The following VPS33A variants were observed in gnomAD, a reference collection of about 807,000 sequenced individuals.
VPS33A encodes the protein VPS33A core subunit of CORVET and HOPS complexes.
VPS33A carries 32 observed loss-of-function variants against 71.8 expected under a neutral mutation model. The ratio of observed to expected loss-of-function variants is 0.45; its 90% CI spans 0.34 to 0.60. The LOEUF is 0.60. Ranked by LOEUF, VPS33A falls within the 20% of genes least tolerant of loss-of-function variation. The pLI, the probability that VPS33A is intolerant of heterozygous loss-of-function variation, is 0.02. For missense variants in VPS33A, 625 were observed against 748.5 expected, an observed-to-expected ratio of 0.84 and a Z score of 1.92; for synonymous variants, 311 against 292.7, an observed-to-expected ratio of 1.06 and a Z score of -0.64.
At chr12:122,244,515 T>C in intron 7 of VPS33A, 54 bp downstream of exon 7, 6 of 1,471,440 alleles carry the variant, frequency 4.1e-6, no homozygotes, top group Non-Finnish European at 5.5e-6. Context: ...CCCTCAGGGG[T>C]GGGCATCTAC....
At chr12:122,240,812 G>A (rs1954703738) in intron 8 of VPS33A, among the ~76,000 whole-genome samples, 1 of 152,106 alleles carries the variant, frequency 6.6e-6, no homozygotes, top group African/African-American at 2.4e-5. Flanking sequence ...TTCAAGGGAA[G>A]AACATGCGCC....
At chr12:122,257,426 CAAAAAAA>C (rs35763135) in intron 4 of VPS33A, among the ~76,000 whole-genome samples, 2 of 64,968 alleles carry the variant, frequency 3.1e-5, no homozygotes, top group African/African-American at 7.5e-5. Context: ...GACTCTGCCT[CAAAAAAA>C]AAAAAAAAAA....
chr12:122,239,648 G>A (rs929306469), intron 9 of VPS33A, among the ~76,000 whole-genome samples: 4 of 150,208 alleles, frequency 2.7e-5, no homozygotes, highest in East Asian at 2.0e-4. Context: ...GCAGAATGGC[G>A]TCAACCCGGG....
chr12:122,263,382 T>G (rs1955024328), intron 3 of VPS33A, among the ~76,000 whole-genome samples, 190 bp downstream of exon 3: 1 of 152,176 alleles, frequency 6.6e-6, no homozygotes, highest in African/African-American at 2.4e-5. Context: ...TATTTTTTGT[T>G]GTACCCATTA....
chr12:122,251,369 T>C (rs1185955555), intron 4 of VPS33A, among the ~76,000 whole-genome samples: 1 of 152,186 alleles, frequency 6.6e-6, no homozygotes, highest in Non-Finnish European at 1.5e-5. Context: ...TCACCCAGCA[T>C]GCCAGCTCTT....
Position 122,251,554 on chromosome 12 carries a change from C to T in VPS33A, c.484-455G>A, listed in dbSNP as rs559339895. Among the ~76,000 whole-genome samples the T allele has an allele frequency of 1.1e-4, 16 of 152,212 alleles. No homozygotes were observed. The South Asian group carries it at 2.3e-3, about 22-fold the overall frequency. ...TTTATTGTTTTCAAAAAGGATGAGG[C>T]AGATTTTCATGACAACTGACAACTG... On this transcript the variant is annotated intron_variant, in intron 4 of 12. Transcript: ENST00000267199.
intron 4 of VPS33A, among the ~76,000 whole-genome samples, chr12:122,258,294 C>A (rs1452047344): frequency 6.6e-6 from 1 of 151,872 alleles, no homozygotes; most frequent in East Asian, 1.9e-4. Flanking sequence ...CTGGGGTAGG[C>A]AATGGCTTCT....
intron 8 of VPS33A, chr12:122,240,896 G>A (rs61954365): frequency 0.079 from 11,961 of 152,234 alleles, 570 homozygotes; most frequent in African/African-American, 0.13. Flanking sequence ...AGCACTTTGG[G>A]AGCCAAGGCA....
intron 4 of VPS33A, among the ~76,000 whole-genome samples, chr12:122,258,986 CA>C (rs749562489): frequency 0.18 from 9,508 of 53,208 alleles, 1,003 homozygotes; most frequent in African/African-American, 0.41. Context: ...CAATCCATCT[CA>C]AAAAAAAAAA....
chr12:122,241,316 G>A (rs1954711365), intron 8 of VPS33A, among the ~76,000 whole-genome samples: 1 of 151,136 alleles, frequency 6.6e-6, no homozygotes, highest in East Asian at 2.0e-4. Flanking sequence ...TCTTTCTTTC[G>A]TTATTTCGAG....
chr12:122,244,595 C>T lies in VPS33A; in HGVS notation c.943G>A (p.Ala315Thr). 1.2e-6 allele frequency: 2 copies of T among 1,608,720 alleles called. No homozygotes were observed. Among genetic ancestry groups the T allele is most frequent in the East Asian group, 2.2e-5 (1 of 44,746 alleles). ...TCGAATGCTGCAGAGATGATCTTTG[C>T]TTTCTTGCTGAGCACAGAGCCAACT... ...NAVGSVLSKK[A>T]KIISAAFEER... The change falls in exon 7 of 13, where the codon GCA becomes ACA. Residue 315 changes from alanine (A) to threonine (T), a missense_variant. Coordinates refer to ENST00000267199, the MANE Select transcript of VPS33A (RefSeq NM_022916.6).
intron 4 of VPS33A, among the ~76,000 whole-genome samples, chr12:122,259,801 C>T (rs548742560): frequency 2.6e-5 from 4 of 151,932 alleles, no homozygotes; most frequent in Non-Finnish European, 5.9e-5. Flanking sequence ...TCTAAAAAAT[C>T]TCCAGAATAA....
intron 4 of VPS33A, among the ~76,000 whole-genome samples, chr12:122,255,661 C>A (rs938606212): frequency 7.1e-6 from 1 of 141,190 alleles, no homozygotes; most frequent in Non-Finnish European, 1.5e-5. Flanking sequence ...GCCGAGATTG[C>A]GCCACACAGC....
At chr12:122,242,762 C>T (rs1954732191) in intron 7 of VPS33A, among the ~76,000 whole-genome samples, 1 of 152,112 alleles carries the variant, frequency 6.6e-6, no homozygotes, top group Admixed American at 6.6e-5. Flanking sequence ...CCATATTGGT[C>T]AGGCTGGTCT....
chr12:122,252,174 C>T (rs923195895), intron 4 of VPS33A, among the ~76,000 whole-genome samples: 48 of 152,186 alleles, frequency 3.2e-4, no homozygotes, highest in African/African-American at 1.1e-3. Flanking sequence ...GGAGGATCAC[C>T]GGAGCCCAGG....
At chr12:122,239,847 A>G in intron 9 of VPS33A, 31 bp downstream of exon 9, 1 of 1,530,320 alleles carries the variant, frequency 6.5e-7, no homozygotes, top group Non-Finnish European at 9.0e-7. Flanking sequence ...GCTTTCAATT[A>G]CTTGTTAAAG....
At chr12:122,263,420 T>A (rs1216175766) in intron 3 of VPS33A, 152 bp downstream of exon 3, 8 of 846,620 alleles carry the variant, frequency 9.4e-6, no homozygotes, top group Non-Finnish European at 1.3e-5. Flanking sequence ...CCAGCCCCCA[T>A]CTTCTCTTTT....
In VPS33A at chr12:122,231,874, T is replaced by C. The variant is rs768625690; in HGVS notation, c.*372A>G. On this transcript the variant is annotated 3_prime_UTR_variant, in exon 13 of 13. Coordinates refer to ENST00000267199, the MANE Select transcript of VPS33A (RefSeq NM_022916.6). ...GAGTTTGAGACCAGCCTGGCCAACA[T>C]GGTGAAACACCATGGCTACTAAAAA... 3 of 350,940 alleles carry C rather than the reference T, an allele frequency of 8.5e-6. No individual in the cohort carries two copies. Among genetic ancestry groups the C allele is most frequent in the African/African-American group, 2.1e-5 (1 of 47,570 alleles). 21.7% of individuals were successfully genotyped at this position (350,940 alleles called of 1,614,324 possible). A position where few individuals can be genotyped will look rare whatever the true frequency, so the allele number is the denominator to read the frequency against.
chr12:122,240,533 A>G (rs1190837014), intron 8 of VPS33A, among the ~76,000 whole-genome samples: 2 of 152,198 alleles, frequency 1.3e-5, no homozygotes, highest in Non-Finnish European at 2.9e-5. Flanking sequence ...AATGAAAGCT[A>G]ATTTCTCAAG....
Sources: gnomAD v4.1 joint callset for allele counts (sites outside exome capture counted in the v4.1 genomes callset) on GRCh38, gnomAD v4.1.1 for gene constraint, MANE v1.5 for transcripts, NCBI Gene and HGNC (gene_info 2026-07-23, HGNC 2026-07-21) for gene names.